The following SPIDR variants were observed in gnomAD, a reference collection of about 807,000 sequenced individuals.
SPIDR encodes the protein DNA repair-scaffolding protein.
SPIDR carries 93 observed loss-of-function variants against 104.6 expected under a neutral mutation model. That is an observed-to-expected ratio of 0.89 (90% CI 0.75 to 1.06). SPIDR has a LOEUF of 1.06. SPIDR is among the 50% of genes least tolerant of loss of function. The probability of loss-of-function intolerance (pLI) is 0.00; values close to 1 mark genes in which losing one functional copy is unlikely to be tolerated. For synonymous variants in SPIDR, 431 were observed against 416.9 expected (o/e 1.03, Z -0.41); for missense variants, 1,154 against 1,111.2 (o/e 1.04, Z -0.55).
intron 5 of SPIDR, 56 bp downstream of exon 5, chr8:47,294,086 G>A: frequency 6.5e-7 from 1 of 1,527,182 alleles, no homozygotes; most frequent in Admixed American, 2.2e-5. Flanking sequence ...GCTAATCATA[G>A]TTGTCATTTT....
intron 5 of SPIDR, among the ~76,000 whole-genome samples, chr8:47,394,003 C>T (rs984643375): frequency 1.3e-4 from 20 of 151,910 alleles, no homozygotes; most frequent in Admixed American, 1.3e-3. Context: ...CTCCCAGGGT[C>T]TAAAGCCATT....
intron 5 of SPIDR, among the ~76,000 whole-genome samples, chr8:47,299,225 G>A (rs1372101960): frequency 6.6e-6 from 1 of 152,140 alleles, no homozygotes; most frequent in Non-Finnish European, 1.5e-5. Context: ...AATTGTGAAT[G>A]GGAGTTCACT....
chr8:47,552,260 G>A (rs1285757946), intron 8 of SPIDR, among the ~76,000 whole-genome samples: 2 of 152,164 alleles, frequency 1.3e-5, no homozygotes, highest in Non-Finnish European at 2.9e-5. Flanking sequence ...GATTTTGGGT[G>A]GAGAGTTCTG....
At chr8:47,729,348 G>A in intron 18 of SPIDR, 64 bp from the exon 19 acceptor site, 1 of 1,543,806 alleles carries the variant, frequency 6.5e-7, no homozygotes, top group Non-Finnish European at 8.7e-7. Flanking sequence ...GGGAATGAGT[G>A]ATTTAACTTG....
chr8:47,330,913 T>C, intron 5 of SPIDR: 1 of 375,512 alleles, frequency 2.7e-6, no homozygotes, highest in East Asian at 7.5e-5. Context: ...TATTTTTAGT[T>C]TTATAAGAAA....
chr8:47,598,867 T>G, intron 9 of SPIDR, 79 bp from the exon 10 acceptor site: 1 of 1,557,326 alleles, frequency 6.4e-7, no homozygotes, highest in Non-Finnish European at 8.8e-7. Context: ...CATTATTTGG[T>G]GTGCAGCATG....
chr8:47,297,104 A>G (rs1489127772), intron 5 of SPIDR, among the ~76,000 whole-genome samples: 1 of 152,174 alleles, frequency 6.6e-6, no homozygotes, highest in East Asian at 1.9e-4. Context: ...ATCAGACTTA[A>G]TGGTTTTTTG....
At chr8:47,436,260 G>T (rs1180641950) in intron 7 of SPIDR, among the ~76,000 whole-genome samples, 1 of 152,194 alleles carries the variant, frequency 6.6e-6, no homozygotes, top group African/African-American at 2.4e-5. Flanking sequence ...AGTTGCTTCT[G>T]GCTGGGATTC....
At chr8:47,481,414 A>G (rs1226823737) in intron 8 of SPIDR, among the ~76,000 whole-genome samples, 1 of 152,182 alleles carries the variant, frequency 6.6e-6, no homozygotes. Flanking sequence ...AGGTGGGCAG[A>G]TCACTTGAGG....
At chr8:47,574,917 C>T (rs990052272) in intron 8 of SPIDR, among the ~76,000 whole-genome samples, 2 of 152,142 alleles carry the variant, frequency 1.3e-5, no homozygotes, top group Non-Finnish European at 2.9e-5. Flanking sequence ...TTGTGATGAT[C>T]TGAATCTATT....
intron 8 of SPIDR, among the ~76,000 whole-genome samples, chr8:47,567,472 G>A (rs990198255): frequency 2.0e-5 from 3 of 152,010 alleles, no homozygotes; most frequent in Non-Finnish European, 4.4e-5. Context: ...ACCTGCCTCG[G>A]CCTCCCAAAG....
At chr8:47,568,114 AT>A (rs998453984) in intron 8 of SPIDR, among the ~76,000 whole-genome samples, 5 of 152,096 alleles carry the variant, frequency 3.3e-5, no homozygotes, top group African/African-American at 4.8e-5. Flanking sequence ...TGCCTTGATG[AT>A]TTTTTAAGGC....
chr8:47,384,685 G>A (rs1430533908), intron 5 of SPIDR, among the ~76,000 whole-genome samples: 4 of 152,064 alleles, frequency 2.6e-5, no homozygotes, highest in Non-Finnish European at 5.9e-5. Context: ...AGACAGATGC[G>A]GGGCTTCCCT....
chr8:47,577,383 C>G (rs554007526), intron 8 of SPIDR, among the ~76,000 whole-genome samples: 1 of 152,350 alleles, frequency 6.6e-6, no homozygotes, highest in African/African-American at 2.4e-5. Context: ...TACATCCTAT[C>G]CTGAGAGTTG....
intron 8 of SPIDR, among the ~76,000 whole-genome samples, chr8:47,519,864 T>G (rs2083774187): frequency 6.6e-6 from 1 of 152,208 alleles, no homozygotes; most frequent in Non-Finnish European, 1.5e-5. Context: ...TAAATACATA[T>G]GCTTGATTGG....
intron 10 of SPIDR, among the ~76,000 whole-genome samples, chr8:47,659,213 G>A (rs2073578560): frequency 6.6e-6 from 1 of 152,108 alleles, no homozygotes; most frequent in African/African-American, 2.4e-5. Context: ...GAGCCGAGAT[G>A]ACAGCACGGT....
At chr8:47,536,868 A>G (rs549206384) in intron 8 of SPIDR, among the ~76,000 whole-genome samples, 1 of 152,366 alleles carries the variant, frequency 6.6e-6, no homozygotes, top group African/African-American at 2.4e-5. Flanking sequence ...TTTAAAACTC[A>G]GTAAGAAAAC....
rs186193938 is a variant in SPIDR, at chr8:47,447,457, G to A, written c.1097+6915G>A. On this transcript the variant is annotated intron_variant, in intron 8 of 19. Coordinates refer to ENST00000297423, the MANE Select transcript of SPIDR (RefSeq NM_001080394.4). ...TCGAACTCCTGACCTCAGGTAATCCGCCTGCCTCAGACTCCCAAAGTGCTG... is the reference window on the plus strand; with the variant it reads ...TCGAACTCCTGACCTCAGGTAATCCACCTGCCTCAGACTCCCAAAGTGCTG... Among the ~76,000 whole-genome samples, 413 of 152,084 alleles carry A rather than the reference G, an allele frequency of 2.7e-3. 1 individual carries two copies. The highest frequency in any genetic ancestry group is 0.012 in the South Asian group (58 of 4,822).
chr8:47,288,255 T>A (rs2039245777), intron 3 of SPIDR, among the ~76,000 whole-genome samples: 1 of 152,182 alleles, frequency 6.6e-6, no homozygotes, highest in African/African-American at 2.4e-5. Context: ...TTTCCATGAA[T>A]TCATTTCATA....
Sources: gnomAD v4.1 joint callset for allele counts (sites outside exome capture counted in the v4.1 genomes callset) on GRCh38, gnomAD v4.1.1 for gene constraint, MANE v1.5 for transcripts, NCBI Gene and HGNC (gene_info 2026-07-23, HGNC 2026-07-21) for gene names.